The following DNAH9 variants were observed in gnomAD, a reference collection of about 807,000 sequenced individuals.
DNAH9 encodes the protein dynein axonemal heavy chain 9, also known as DNAH9 variant protein.
In DNAH9, 345 loss-of-function variants were observed where a neutral mutation model predicts 471.6. The observed-to-expected ratio is 0.73, with a 90% CI of 0.67 to 0.80. DNAH9 has a LOEUF of 0.80. Ranked by LOEUF, DNAH9 falls within the 30% of genes least tolerant of loss-of-function variation. DNAH9 has a pLI of 0.00. For synonymous variants in DNAH9, 2,093 were observed against 2,123.6 expected (o/e 0.99, Z 0.40); for missense variants, 5,407 against 5,609.2 (o/e 0.96, Z 1.15).
intron 52 of DNAH9, among the ~76,000 whole-genome samples, chr17:11,872,922 A>AAAAC (rs745500592): frequency 6.6e-6 from 1 of 152,250 alleles, no homozygotes; most frequent in East Asian, 1.9e-4. Context: ...TCCGTCTCAA[A>AAAAC]AAACAAACAA....
At chr17:11,797,850 G>A (rs2150912776) in intron 43 of DNAH9, 57 bp downstream of exon 43, 5 of 1,542,062 alleles carry the variant, frequency 3.2e-6, no homozygotes, top group Non-Finnish European at 4.4e-6. Context: ...CAATGACAGG[G>A]GTCTCATTCG....
intron 26 of DNAH9, 102 bp from the exon 27 acceptor site, chr17:11,719,232 T>G: frequency 8.1e-7 from 1 of 1,233,616 alleles, no homozygotes; most frequent in Non-Finnish European, 1.1e-6. Context: ...GGCTCTTGGC[T>G]TTCTTTTCAG....
At chr17:11,699,991 C>A in intron 23 of DNAH9, 108 bp downstream of exon 23, 2 of 1,123,034 alleles carry the variant, frequency 1.8e-6, no homozygotes, top group Non-Finnish European at 2.5e-6. Flanking sequence ...TGGTCCAGAG[C>A]TGCTGTCCAT....
intron 1 of DNAH9, among the ~76,000 whole-genome samples, chr17:11,599,933 CTG>C (rs1459068816): frequency 6.6e-6 from 1 of 152,094 alleles, no homozygotes; most frequent in Admixed American, 6.5e-5. Flanking sequence ...ACTTTTAAGA[CTG>C]GGGTGAGGGT....
chr17:11,856,842 C>T (rs751212815), intron 50 of DNAH9, among the ~76,000 whole-genome samples: 2 of 152,150 alleles, frequency 1.3e-5, no homozygotes, highest in African/African-American at 4.8e-5. Context: ...AAGAACATCA[C>T]ATGCAAGACA....
At chr17:11,782,906 TA>T (rs1311178372) in intron 39 of DNAH9, among the ~76,000 whole-genome samples, 1 of 152,152 alleles carries the variant, frequency 6.6e-6, no homozygotes, top group Non-Finnish European at 1.5e-5. Context: ...AAAAAAAGAA[TA>T]AATTAAAAAT....
intron 1 of DNAH9, among the ~76,000 whole-genome samples, chr17:11,604,611 T>C (rs1597380565): frequency 6.6e-6 from 1 of 152,330 alleles, no homozygotes; most frequent in East Asian, 1.9e-4. Context: ...AAGATCTTAC[T>C]CCACCTTTAC....
At chr17:11,895,876 C>T (rs1567883134) in intron 59 of DNAH9, among the ~76,000 whole-genome samples, 1 of 152,202 alleles carries the variant, frequency 6.6e-6, no homozygotes, top group African/African-American at 2.4e-5. Context: ...AAACCTAGAA[C>T]TTAATTATTT....
At chr17:11,797,908 T>C (rs377412368) in intron 43 of DNAH9, 115 bp downstream of exon 43, 12 of 1,083,088 alleles carry the variant, frequency 1.1e-5, no homozygotes, top group East Asian at 5.1e-5. Flanking sequence ...CTCCGGCTTC[T>C]GCCTTAAAAG....
At position 11,902,923 on chromosome 17, in the gene DNAH9, G is replaced by C. The variant is rs1234382669; in HGVS notation, c.11600+11G>C. On this transcript the variant is annotated intron_variant, in intron 60 of 68. Transcript: ENST00000262442. ...GACCTATGCTTTGCGGTAGGAAACA[G>C]GGTGGTGGAAGGCCCAGCATAGGCA... 6.2e-7 allele frequency: 1 copy of C among 1,610,394 alleles called. No homozygotes were observed. The highest frequency in any genetic ancestry group is 8.5e-7 in the Non-Finnish European group (1 of 1,178,742).
rs75822258 is a variant in DNAH9, at chr17:11,822,309, T to G, written c.8851-129T>G. On this transcript the variant is annotated intron_variant, in intron 46 of 68. Transcript: ENST00000262442. ...TTGGCTGGTGAGGCTGGCTAGCATT[T>G]ACAGATATTATCTCTGTTGGATGTG... The G allele has an allele frequency of 1.6e-3, 1,872 of 1,189,238 alleles. 22 individuals carry two copies. The African/African-American group carries it at 0.025, about 16-fold the overall frequency. 73.7% of individuals were successfully genotyped at this position (1,189,238 alleles called of 1,614,324 possible).
intron 66 of DNAH9, among the ~76,000 whole-genome samples, chr17:11,938,878 T>C (rs1974803589): frequency 6.6e-6 from 1 of 152,136 alleles, no homozygotes; most frequent in Non-Finnish European, 1.5e-5. Context: ...GGATTATAGG[T>C]GTGAGCCACT....
At position 11,930,045 on chromosome 17, in the gene DNAH9, C is replaced by G. The variant is rs1159242074; in HGVS notation, c.12057C>G (p.Pro4019=). The change falls in exon 63 of 69, where the codon CCC becomes CCG. Residue 4019 remains proline (P), a synonymous_variant. Transcript: ENST00000262442. ...CCATTAAGATCACCAATGAGCCCCC[C>G]ACGGGCATGCATGCCAACCTGCACA... The part of the protein sequence containing the change: ...ENSIKITNEP[P]TGMHANLHKA... 6.2e-7 allele frequency: 1 copy of G among 1,614,132 alleles called. No homozygotes were observed. Among genetic ancestry groups the G allele is most frequent in the African/African-American group, 1.3e-5 (1 of 75,036 alleles).
chr17:11,953,912 T>TTA (rs1975513927), intron 67 of DNAH9: 1 of 152,096 alleles, frequency 6.6e-6, no homozygotes, highest in East Asian at 1.9e-4. Flanking sequence ...ATGTAAGATA[T>TTA]TTATTAAAAG....
intron 63 of DNAH9, 72 bp from the exon 64 acceptor site, chr17:11,931,942 G>A (rs1974524811): frequency 6.5e-7 from 1 of 1,541,428 alleles, no homozygotes; most frequent in Non-Finnish European, 8.9e-7. Flanking sequence ...AACCCTGATT[G>A]TAACCTCACC....
chr17:11,701,009 A>G, intron 23 of DNAH9, 113 bp from the exon 24 acceptor site: 1 of 1,157,438 alleles, frequency 8.6e-7, no homozygotes, highest in Non-Finnish European at 1.3e-6. Context: ...TTGGGGCTGT[A>G]TACAATGTGT....
chr17:11,823,669 C>T (rs1053525378), intron 48 of DNAH9, among the ~76,000 whole-genome samples: 8 of 152,172 alleles, frequency 5.3e-5, no homozygotes, highest in Non-Finnish European at 1.2e-4. Flanking sequence ...CGGTGGCTCA[C>T]GCCTGTAATC....
In DNAH9 at chr17:11,783,741, G is replaced by A. The variant is rs774998789; in HGVS notation, c.7814G>A (p.Arg2605Gln). 57 of 1,613,896 alleles carry A rather than the reference G, an allele frequency of 3.5e-5. No homozygotes were observed. The highest frequency in any genetic ancestry group is 4.3e-5 in the Non-Finnish European group (51 of 1,179,870). Residue 2605 changes from arginine to glutamine, a missense_variant, in exon 40 of 69, where the codon CGG (arginine) becomes CAG (glutamine). By Grantham distance (43) the Arg-to-Gln change is conservative (BLOSUM62 1). Transcript: ENST00000262442. The stretch of plus-strand genomic sequence containing the variant: ...GCAGGCAGCTTCACCATCAACCCCC[G>A]GCTTCAGGTACAGGAGGAGCCATGG... Reference protein sequence around the residue: ...PTAGSFTINPRLQRHFSVFVL... With the variant: ...PTAGSFTINPQLQRHFSVFVL...
Position 11,905,692 on chromosome 17 carries a change from T to C in DNAH9, c.11632T>C (p.Tyr3878His). The change falls in exon 61 of 69, where the codon TAC becomes CAC. Residue 3878 changes from tyrosine (Y) to histidine (H), a missense_variant. Tyr to His is a moderately conservative substitution (Grantham distance 83). Coordinates refer to ENST00000262442, the MANE Select transcript of DNAH9 (RefSeq NM_001372.4). ...DFVEEKLGSK[Y>H]VVGRALDFAT... ...TGTTGAAGAGAAGTTAGGAAGCAAA[T>C]ACGTGGTGGGAAGAGCCCTAGATTT... is the stretch of plus-strand genomic sequence containing the variant. The C allele has an allele frequency of 6.2e-7, 1 of 1,614,078 alleles. No homozygotes were observed. Among genetic ancestry groups the C allele is most frequent in the Non-Finnish European group, 8.5e-7 (1 of 1,179,988 alleles).
Sources: gnomAD v4.1 joint callset for allele counts (sites outside exome capture counted in the v4.1 genomes callset) on GRCh38, gnomAD v4.1.1 for gene constraint, MANE v1.5 for transcripts, NCBI Gene and HGNC (gene_info 2026-07-23, HGNC 2026-07-21) for gene names.